CNTNAP2: variants seen among roughly 807,000 people sequenced by gnomAD.
CNTNAP2 encodes contactin associated protein 2.
Under a neutral mutation model 155.2 loss-of-function variants are expected in CNTNAP2, and 98 were observed. The ratio of observed to expected loss-of-function variants is 0.63; its 90% CI spans 0.54 to 0.75. The LOEUF (loss-of-function observed/expected upper bound fraction) is 0.75, where lower values mean the gene tolerates loss of function less well. Among genes scored for constraint, CNTNAP2 ranks in the 30% least tolerant of loss-of-function variants. CNTNAP2 has a pLI of 0.00. For missense variants in CNTNAP2, 1,727 were observed against 1,688.1 expected (o/e 1.02, Z -0.40); for synonymous variants, 651 against 631.2 (o/e 1.03, Z -0.47).
chr7:147,849,307 T>A (rs12154883), intron 13 of CNTNAP2, among the ~76,000 whole-genome samples: 1 of 152,216 alleles, frequency 6.6e-6, no homozygotes, highest in East Asian at 1.9e-4. Flanking sequence ...ACCAACAGAT[T>A]GAGTATTTTC....
chr7:146,904,749 G>A (rs1796084104), intron 3 of CNTNAP2, among the ~76,000 whole-genome samples: 1 of 152,184 alleles, frequency 6.6e-6, no homozygotes, highest in Admixed American at 6.5e-5. Flanking sequence ...GGGATTACAG[G>A]CGTGAGCCAC....
In CNTNAP2 at chr7:147,664,784, A is replaced by G. The variant is rs561749940; in HGVS notation, c.2098+25478A>G. On this transcript the variant is annotated intron_variant, in intron 13 of 23. Transcript: ENST00000361727. Reference sequence around the variant, plus strand: ...CTGCCTGTATCCGGCCTCCTCTCTCACTCTTCCTCTTGCTACGTGGCTAGA... The same window carrying G: ...CTGCCTGTATCCGGCCTCCTCTCTCGCTCTTCCTCTTGCTACGTGGCTAGA... Among the ~76,000 whole-genome samples the G allele has an allele frequency of 9.2e-5, 14 of 151,784 alleles. No homozygotes were observed. The East Asian group carries it at 2.5e-3, about 27-fold the overall frequency.
chr7:147,409,851 G>A (rs1201156059), intron 10 of CNTNAP2, among the ~76,000 whole-genome samples: 1 of 148,234 alleles, frequency 6.7e-6, no homozygotes, highest in Non-Finnish European at 1.5e-5. Context: ...ACCACAATAA[G>A]ATACCATCTC....
At chr7:148,006,731 G>C (rs964650044) in intron 15 of CNTNAP2, among the ~76,000 whole-genome samples, 2 of 148,914 alleles carry the variant, frequency 1.3e-5, no homozygotes, top group Admixed American at 1.3e-4. Context: ...TCTTTAGTTC[G>C]TTTGTTTTAG....
chr7:146,776,935 T>C (rs1351483241), intron 2 of CNTNAP2, among the ~76,000 whole-genome samples: 2 of 152,148 alleles, frequency 1.3e-5, no homozygotes, highest in East Asian at 1.9e-4. Flanking sequence ...ACTTTCCTTA[T>C]AGTAGTTTTG....
intron 11 of CNTNAP2, among the ~76,000 whole-genome samples, chr7:147,499,548 A>G (rs2116665062): frequency 6.6e-6 from 1 of 152,210 alleles, no homozygotes; most frequent in African/African-American, 2.4e-5. Flanking sequence ...ATACCGATAT[A>G]ATGATGTATT....
intron 1 of CNTNAP2, among the ~76,000 whole-genome samples, chr7:146,681,466 A>G (rs1444777732): frequency 1.7e-3 from 66 of 39,576 alleles, no homozygotes; most frequent in South Asian, 3.2e-3. Context: ...TGGCGGGGGG[A>G]GAGGGTAGAG....
At chr7:147,417,222 C>A (rs1047651914) in intron 10 of CNTNAP2, among the ~76,000 whole-genome samples, 2 of 152,136 alleles carry the variant, frequency 1.3e-5, no homozygotes, top group Admixed American at 1.3e-4. Context: ...TTAGTTTATC[C>A]AGGCTGCTAT....
chr7:146,751,591 G>A (rs567388087), intron 1 of CNTNAP2, among the ~76,000 whole-genome samples: 29 of 152,102 alleles, frequency 1.9e-4, no homozygotes, highest in African/African-American at 6.3e-4. Flanking sequence ...ATTTTATCAT[G>A]CTCTCTAATT....
intron 1 of CNTNAP2, among the ~76,000 whole-genome samples, chr7:146,263,330 TA>T (rs1799948672): frequency 6.6e-6 from 1 of 151,934 alleles, no homozygotes; most frequent in East Asian, 1.9e-4. Flanking sequence ...GCCTCATGTT[TA>T]AAATGATTCT....
chr7:146,444,526 G>A (rs1432866589), intron 1 of CNTNAP2, among the ~76,000 whole-genome samples: 1 of 152,140 alleles, frequency 6.6e-6, no homozygotes, highest in East Asian at 1.9e-4. Context: ...TAATGGATGA[G>A]CCATTGCAAT....
At chr7:146,127,107 A>C (rs1438481811) in intron 1 of CNTNAP2, among the ~76,000 whole-genome samples, 2 of 152,098 alleles carry the variant, frequency 1.3e-5, no homozygotes, top group Non-Finnish European at 2.9e-5. Context: ...CTATAATCTA[A>C]CCGACCATAC....
At chr7:147,241,500 C>G (rs188885897) in intron 8 of CNTNAP2, among the ~76,000 whole-genome samples, 1 of 151,958 alleles carries the variant, frequency 6.6e-6, no homozygotes. Context: ...TGGTTGCATG[C>G]GCCTGTAATC....
At position 147,965,253 on chromosome 7, in the gene CNTNAP2, T is replaced by A. The variant is rs140417773; in HGVS notation, c.2256-12609T>A. ...ATAAGGCAGTAATATTCATGACTTT[T>A]TACTGCCAACCTTGGAAAGCAATGT... On this transcript the variant is annotated intron_variant, in intron 14 of 23. Transcript: ENST00000361727. Among the ~76,000 whole-genome samples the A allele has an allele frequency of 2.1e-3, 313 of 152,288 alleles. 1 individual carries two copies. The highest frequency in any genetic ancestry group is 7.0e-3 in the African/African-American group (292 of 41,556).
At chr7:147,385,909 G>A (rs537991392) in intron 9 of CNTNAP2, among the ~76,000 whole-genome samples, 4 of 152,334 alleles carry the variant, frequency 2.6e-5, no homozygotes, top group Admixed American at 2.0e-4. Flanking sequence ...TCCCATCTCT[G>A]CAGCAAACAT....
At chr7:147,405,657 GA>G (rs1209111588) in intron 10 of CNTNAP2, among the ~76,000 whole-genome samples, 1 of 152,126 alleles carries the variant, frequency 6.6e-6, no homozygotes, top group Non-Finnish European at 1.5e-5. Context: ...AGCAGAGACA[GA>G]AAAAAGTTTC....
chr7:147,725,062 T>C (rs1373482917), intron 13 of CNTNAP2, among the ~76,000 whole-genome samples: 3 of 152,028 alleles, frequency 2.0e-5, no homozygotes, highest in African/African-American at 4.8e-5. Flanking sequence ...TGTTGGATTG[T>C]AGTCCCTACA....
chr7:148,328,870 G>A (rs1797937523), intron 21 of CNTNAP2, among the ~76,000 whole-genome samples: 1 of 150,484 alleles, frequency 6.6e-6, no homozygotes. Context: ...CAGCTACTCA[G>A]GAGGTTGAGG....
At chr7:148,073,650 T>C (rs1803422284) in intron 15 of CNTNAP2, among the ~76,000 whole-genome samples, 1 of 152,228 alleles carries the variant, frequency 6.6e-6, no homozygotes, top group South Asian at 2.1e-4. Context: ...CTGCTGTTAA[T>C]ATTCTATTGT....
Sources: allele counts gnomAD v4.1 joint callset (sites outside exome capture counted in the v4.1 genomes callset), GRCh38; gene constraint gnomAD v4.1.1; transcripts MANE v1.5; gene names NCBI Gene and HGNC (gene_info 2026-07-23, HGNC 2026-07-21).